The following MAN2A1 variants were observed in gnomAD, a reference collection of about 807,000 sequenced individuals.
The protein encoded by MAN2A1 is mannosidase alpha class 2A member 1, also known as alpha-mannosidase 2.
Under a neutral mutation model 142.6 loss-of-function variants are expected in MAN2A1, and 76 were observed. The ratio of observed to expected loss-of-function variants is 0.53; its 90% CI spans 0.44 to 0.65. The LOEUF is 0.65. MAN2A1 is among the 30% of genes least tolerant of loss of function. The probability of loss-of-function intolerance (pLI) is 0.00; values close to 1 mark genes in which losing one functional copy is unlikely to be tolerated. For synonymous variants in MAN2A1, 559 were observed against 473.2 expected (o/e 1.18, Z -2.35); for missense variants, 1,311 against 1,365.1 (o/e 0.96, Z 0.62).
At chr5:109,757,803 T>C (rs1232554023) in intron 5 of MAN2A1, among the ~76,000 whole-genome samples, 1 of 152,200 alleles carries the variant, frequency 6.6e-6, no homozygotes, top group Non-Finnish European at 1.5e-5. Flanking sequence ...ATGTAATGTA[T>C]GGCCTTTGGT....
chr5:109,707,089 T>A (rs775744035), intron 1 of MAN2A1, among the ~76,000 whole-genome samples: 2 of 152,188 alleles, frequency 1.3e-5, no homozygotes, highest in Non-Finnish European at 2.9e-5. Context: ...CCATAATCTT[T>A]GCTCTAGAAA....
intron 16 of MAN2A1, among the ~76,000 whole-genome samples, chr5:109,836,586 A>T (rs990263069): frequency 6.6e-6 from 1 of 152,182 alleles, no homozygotes; most frequent in African/African-American, 2.4e-5. Context: ...GAGTGGTGCT[A>T]AAACCCTGTA....
At chr5:109,806,126 C>G (rs1754158146) in intron 12 of MAN2A1, among the ~76,000 whole-genome samples, 1 of 152,152 alleles carries the variant, frequency 6.6e-6, no homozygotes, top group Non-Finnish European at 1.5e-5. Flanking sequence ...TGATAAGGCT[C>G]TGTTCAGAGA....
intron 5 of MAN2A1, among the ~76,000 whole-genome samples, chr5:109,765,660 A>G (rs1012109726): frequency 1.3e-5 from 2 of 152,136 alleles, no homozygotes; most frequent in Admixed American, 1.3e-4. Context: ...AATTCCTTCT[A>G]TAATTGCTAG....
At chr5:109,803,370 A>G (rs1202351055) in intron 12 of MAN2A1, among the ~76,000 whole-genome samples, 1 of 152,018 alleles carries the variant, frequency 6.6e-6, no homozygotes, top group African/African-American at 2.4e-5. Flanking sequence ...AACTTTCTTA[A>G]TTAACTAATT....
At chr5:109,728,456 G>C (rs1751808536) in intron 3 of MAN2A1, among the ~76,000 whole-genome samples, 1 of 152,052 alleles carries the variant, frequency 6.6e-6, no homozygotes, top group Admixed American at 6.6e-5. Context: ...ATTTTTTAGG[G>C]GGTCTGCTTT....
chr5:109,804,092 A>T (rs1754101247), intron 12 of MAN2A1: 1 of 810,276 alleles, frequency 1.2e-6, no homozygotes, highest in Admixed American at 6.2e-5. Context: ...GACTAAAGTG[A>T]TGTGGCATAT....
At chr5:109,713,816 T>TG (rs1751375627) in intron 2 of MAN2A1, 42 bp downstream of exon 2, 1 of 1,559,868 alleles carries the variant, frequency 6.4e-7, no homozygotes, top group South Asian at 1.2e-5. Context: ...CTTTTTTTTT[T>TG]TTTGTTCTTT....
intron 4 of MAN2A1, 32 bp from the exon 5 acceptor site, chr5:109,755,297 A>G: frequency 6.5e-7 from 1 of 1,547,106 alleles, no homozygotes; most frequent in Non-Finnish European, 8.9e-7. Context: ...CTTAACATTT[A>G]TTAATGTAGA....
chr5:109,749,241 T>C (rs1185458659), intron 4 of MAN2A1, among the ~76,000 whole-genome samples: 2 of 152,134 alleles, frequency 1.3e-5, no homozygotes, highest in Non-Finnish European at 1.5e-5. Context: ...CTTCTGTGTG[T>C]GACCAAATTC....
intron 5 of MAN2A1, among the ~76,000 whole-genome samples, chr5:109,765,887 G>A (rs532261170): frequency 2.6e-5 from 4 of 152,066 alleles, no homozygotes; most frequent in East Asian, 1.9e-4. Flanking sequence ...GCTTTATGAC[G>A]CAAGAATATA....
At chr5:109,704,204 A>G (rs1463103551) in intron 1 of MAN2A1, among the ~76,000 whole-genome samples, 2 of 152,234 alleles carry the variant, frequency 1.3e-5, no homozygotes, top group African/African-American at 4.8e-5. Context: ...TTTTCCCTTC[A>G]CAGTCATTTG....
chr5:109,722,236 G>A (rs957867416), intron 3 of MAN2A1, among the ~76,000 whole-genome samples: 1 of 152,104 alleles, frequency 6.6e-6, no homozygotes, highest in African/African-American at 2.4e-5. Flanking sequence ...TCTTGCAAAA[G>A]TGGACATCTC....
intron 4 of MAN2A1, among the ~76,000 whole-genome samples, chr5:109,754,340 T>C (rs1402908009): frequency 6.6e-6 from 1 of 152,202 alleles, no homozygotes; most frequent in East Asian, 1.9e-4. Context: ...GGGATCTTGT[T>C]ACCTGGTATG....
chr5:109,768,656 T>C (rs1422334644), intron 6 of MAN2A1, among the ~76,000 whole-genome samples: 1 of 152,210 alleles, frequency 6.6e-6, no homozygotes, highest in Non-Finnish European at 1.5e-5. Flanking sequence ...CTTAAGTGTT[T>C]CAGAAAAATC....
intron 1 of MAN2A1, among the ~76,000 whole-genome samples, chr5:109,700,873 G>A (rs964003834): frequency 6.6e-6 from 1 of 152,152 alleles, no homozygotes; most frequent in Admixed American, 6.5e-5. Flanking sequence ...ACTGGGTTAG[G>A]TAATATGGAA....
In MAN2A1 at chr5:109,690,198, C is replaced by CCT; in HGVS notation, c.-219_-218insTC. 1.3e-5 allele frequency: 7 copies of CCT among 519,528 alleles called. No homozygotes were observed. The Admixed American group carries it at 1.9e-4, about 14-fold the overall frequency. The allele number at this position is 519,528 out of a possible 1,614,324, so 32.2% of individuals were successfully genotyped here. A position where few individuals can be genotyped will look rare whatever the true frequency, so the allele number is the denominator to read the frequency against. ...GCGAGTCTCGCCTCGAGAGGGGCGC[C>CCT]CGACCCCGGGGAGGGCGGCAGGCCA... On this transcript the variant is annotated 5_prime_UTR_variant, in exon 1 of 22. Coordinates refer to ENST00000261483, the MANE Select transcript of MAN2A1 (RefSeq NM_002372.4).
At chr5:109,847,546 A>G (rs1440391959) in intron 18 of MAN2A1, 111 bp from the exon 19 acceptor site, 10 of 955,304 alleles carry the variant, frequency 1.0e-5, no homozygotes, top group Non-Finnish European at 1.4e-5. Flanking sequence ...CTCCTTGACT[A>G]GAGAGGAAAT....
At chr5:109,732,096 A>G (rs1054070613) in intron 4 of MAN2A1, among the ~76,000 whole-genome samples, 41 of 151,512 alleles carry the variant, frequency 2.7e-4, no homozygotes, top group Admixed American at 3.9e-4. Context: ...TTTGATTTGC[A>G]TTTCTCTGAT....
Sources: allele counts gnomAD v4.1 joint callset (sites outside exome capture counted in the v4.1 genomes callset), GRCh38; gene constraint gnomAD v4.1.1; transcripts MANE v1.5; gene names NCBI Gene and HGNC (gene_info 2026-07-23, HGNC 2026-07-21).